The following LRRC4C variants were observed in gnomAD, a reference collection of about 807,000 sequenced individuals.
The protein encoded by LRRC4C is leucine rich repeat containing 4C.
A neutral mutation model predicts 33.6 loss-of-function variants in LRRC4C; 5 were observed. The observed-to-expected ratio is 0.15, with a 90% CI of 0.08 to 0.31. The LOEUF (loss-of-function observed/expected upper bound fraction) is 0.31, where lower values mean the gene tolerates loss of function less well. Ranked by LOEUF, LRRC4C falls within the 10% of genes least tolerant of loss-of-function variation. The pLI is 1.00. For missense variants in LRRC4C, 560 were observed against 796.7 expected (o/e 0.70, Z 3.58); for synonymous variants, 329 against 302.0 (o/e 1.09, Z -0.93).
chr11:40,635,731 G>T (rs1389844620), intron 3 of LRRC4C, among the ~76,000 whole-genome samples: 1 of 148,530 alleles, frequency 6.7e-6, no homozygotes, highest in African/African-American at 2.5e-5. Flanking sequence ...CCGCCTCCCG[G>T]GTTCAGGCCA....
intron 1 of LRRC4C, among the ~76,000 whole-genome samples, chr11:41,323,059 T>C (rs993351500): frequency 6.6e-6 from 1 of 152,130 alleles, no homozygotes; most frequent in Non-Finnish European, 1.5e-5. Context: ...AAGAAAGCAA[T>C]ATTATCTGAC....
At chr11:40,261,401 A>G (rs2136261714) in intron 4 of LRRC4C, among the ~76,000 whole-genome samples, 1 of 152,176 alleles carries the variant, frequency 6.6e-6, no homozygotes, top group East Asian at 1.9e-4. Context: ...GTCAGAAGGG[A>G]AGATCATTTG....
chr11:40,138,551 T>C (rs1311890378), intron 6 of LRRC4C, among the ~76,000 whole-genome samples: 2 of 152,210 alleles, frequency 1.3e-5, no homozygotes, highest in African/African-American at 4.8e-5. Flanking sequence ...GACAAAGCAT[T>C]TAAGTACCAT....
intron 2 of LRRC4C, among the ~76,000 whole-genome samples, chr11:40,852,847 T>A (rs1346422712): frequency 6.6e-6 from 1 of 152,184 alleles, no homozygotes; most frequent in Non-Finnish European, 1.5e-5. Flanking sequence ...GAACTGTCAA[T>A]CATGATAAAT....
intron 3 of LRRC4C, among the ~76,000 whole-genome samples, chr11:40,329,402 T>C (rs11035784): frequency 3.9e-5 from 6 of 152,122 alleles, no homozygotes; most frequent in Non-Finnish European, 7.3e-5. Flanking sequence ...ACTGGAAACA[T>C]GCCACGTGAG....
At chr11:40,960,295 C>T (rs1349832271) in intron 1 of LRRC4C, among the ~76,000 whole-genome samples, 1 of 151,536 alleles carries the variant, frequency 6.6e-6, no homozygotes, top group Admixed American at 6.6e-5. Flanking sequence ...TGATACATCA[C>T]CAAGATAAAA....
At chr11:41,323,683 C>T (rs891135529) in intron 1 of LRRC4C, among the ~76,000 whole-genome samples, 1 of 152,164 alleles carries the variant, frequency 6.6e-6, no homozygotes, top group Non-Finnish European at 1.5e-5. Context: ...TATGACACCA[C>T]TCACATTGGC....
chr11:40,536,482 G>C (rs545224983), intron 3 of LRRC4C, among the ~76,000 whole-genome samples: 30 of 152,192 alleles, frequency 2.0e-4, no homozygotes, highest in Admixed American at 1.4e-3. Flanking sequence ...GTGAGCCACC[G>C]TGCCCGGCCC....
At chr11:40,159,678 C>T (rs1858997456) in intron 5 of LRRC4C, among the ~76,000 whole-genome samples, 1 of 152,152 alleles carries the variant, frequency 6.6e-6, no homozygotes, top group African/African-American at 2.4e-5. Flanking sequence ...TAATTTGAAT[C>T]ACTTCCGTAC....
chr11:41,431,909 C>A (rs1271857747), intron 1 of LRRC4C, among the ~76,000 whole-genome samples: 1 of 151,954 alleles, frequency 6.6e-6, no homozygotes, highest in African/African-American at 2.4e-5. Flanking sequence ...CTGATTTTGT[C>A]CAGCATGTAG....
chr11:40,658,512 T>C (rs537147124), intron 2 of LRRC4C, among the ~76,000 whole-genome samples: 17 of 152,264 alleles, frequency 1.1e-4, no homozygotes, highest in African/African-American at 3.8e-4. Context: ...TGAGGAAACC[T>C]CAAATCTGCC....
chr11:41,119,347 T>TAA (rs1942306868), intron 1 of LRRC4C, among the ~76,000 whole-genome samples: 1 of 152,176 alleles, frequency 6.6e-6, no homozygotes, highest in South Asian at 2.1e-4. Context: ...GTCACACAGC[T>TAA]AGTGAGTGGA....
At chr11:40,799,351 TA>T (rs779944604) in intron 2 of LRRC4C, among the ~76,000 whole-genome samples, 3 of 152,134 alleles carry the variant, frequency 2.0e-5, no homozygotes, top group Admixed American at 1.3e-4. Context: ...ATTTGTCAAT[TA>T]AAAAAATGAA....
chr11:41,019,415 T>C (rs1468783555), intron 1 of LRRC4C, among the ~76,000 whole-genome samples: 1 of 152,222 alleles, frequency 6.6e-6, no homozygotes, highest in African/African-American at 2.4e-5. Flanking sequence ...TTATCCAGTC[T>C]ATCATTGATG....
intron 3 of LRRC4C, among the ~76,000 whole-genome samples, chr11:40,537,678 G>A (rs1956532832): frequency 6.6e-6 from 1 of 152,192 alleles, no homozygotes; most frequent in Admixed American, 6.6e-5. Context: ...TTTCAAATAA[G>A]CTGTGGCCAG....
At chr11:40,262,593 C>T (rs1447237529) in intron 4 of LRRC4C, among the ~76,000 whole-genome samples, 1 of 152,114 alleles carries the variant, frequency 6.6e-6, no homozygotes. Context: ...AAATGCCCAT[C>T]AATGATAGAC....
At chr11:40,792,029 G>A (rs1050930265) in intron 2 of LRRC4C, among the ~76,000 whole-genome samples, 10 of 151,772 alleles carry the variant, frequency 6.6e-5, no homozygotes, top group Middle Eastern at 3.4e-3. Context: ...TCCACCAAGC[G>A]CTCTTAAACT....
chr11:41,338,961 G>A lies in LRRC4C; in HGVS notation c.-496+120470C>T, dbSNP rs139306569. The stretch of plus-strand genomic sequence containing the variant: ...CTACTAGAATAAAATAAAATAAAAT[G>A]AAATACGAATAATACAACTAAAAGA... On this transcript the variant is annotated intron_variant, in intron 1 of 6. Transcript: ENST00000528697. Among the ~76,000 whole-genome samples, 313 of 152,114 alleles carry A rather than the reference G, an allele frequency of 2.1e-3. 1 individual carries two copies. The highest frequency in any genetic ancestry group is 7.1e-3 in the African/African-American group (294 of 41,490).
chr11:40,506,729 T>C (rs1389830496), intron 3 of LRRC4C, among the ~76,000 whole-genome samples: 1 of 152,046 alleles, frequency 6.6e-6, no homozygotes, highest in African/African-American at 2.4e-5. Context: ...TCCTACAATA[T>C]ATATAATGCC....
Sources: gnomAD v4.1 joint callset for allele counts (sites outside exome capture counted in the v4.1 genomes callset) on GRCh38, gnomAD v4.1.1 for gene constraint, MANE v1.5 for transcripts, NCBI Gene and HGNC (gene_info 2026-07-23, HGNC 2026-07-21) for gene names.